Variants in AP1M1 observed in about 807,000 individuals in gnomAD.
The protein encoded by AP1M1 is AP-1 complex subunit mu-1.
A neutral mutation model predicts 57.1 loss-of-function variants in AP1M1; 18 were observed. The observed-to-expected ratio is 0.32, with a 90% CI of 0.22 to 0.47. The LOEUF (loss-of-function observed/expected upper bound fraction) is 0.47, where lower values mean the gene tolerates loss of function less well. AP1M1 is among the 20% of genes least tolerant of loss of function. AP1M1 has a pLI of 1.00. For missense variants in AP1M1, 362 were observed against 593.5 expected, an observed-to-expected ratio of 0.61 and a Z score of 4.05; for synonymous variants, 241 against 237.9, an observed-to-expected ratio of 1.01 and a Z score of -0.12.
Position 16,229,019 on chromosome 19 carries a change from G to A in AP1M1, c.1047+91G>A, listed in dbSNP as rs1333260456. 4 of 1,429,080 alleles carry A rather than the reference G, an allele frequency of 2.8e-6. No individual in the cohort carries two copies. The African/African-American group carries it at 4.2e-5, about 15-fold the overall frequency. 88.5% of individuals were successfully genotyped at this position (1,429,080 alleles called of 1,614,324 possible). ...TCAGGACCCCCTGCACCTCAAGATG[G>A]GGTGACAGTGGCCACTGTGTCTTCC... On this transcript the variant is annotated intron_variant, in intron 9 of 11. Transcript: ENST00000291439.
intron 5 of AP1M1, among the ~76,000 whole-genome samples, chr19:16,211,668 T>G (rs1424843759): frequency 6.6e-6 from 1 of 152,024 alleles, no homozygotes; most frequent in Non-Finnish European, 1.5e-5. Context: ...GAGGATCACT[T>G]GAGCCCCAGA....
Position 16,243,755 on chromosome 19 carries a change from A to G in AP1M1, c.*9320A>G, listed in dbSNP as rs1042512747. ...TCAGGAGTTCGAGACCAGCCTGGCC[A>G]ACATGGCGAAAATCCATCTCTACTA... On this transcript the variant is annotated 3_prime_UTR_variant, in exon 12 of 12. Transcript: ENST00000291439. The G allele has an allele frequency of 6.6e-6, 1 of 152,080 alleles. No individual in the cohort carries two copies. Among genetic ancestry groups the G allele is most frequent in the African/African-American group, 2.4e-5 (1 of 41,432 alleles). The allele number at this position is 152,080 out of a possible 1,614,324, so 9.4% of individuals were successfully genotyped here. A position where few individuals can be genotyped will look rare whatever the true frequency, so the allele number is the denominator to read the frequency against.
intron 9 of AP1M1, among the ~76,000 whole-genome samples, chr19:16,231,781 T>A (rs4808475): frequency 0.66 from 100,117 of 152,134 alleles, 35,199 homozygotes; most frequent in Non-Finnish European, 0.8. Context: ...CTTCCATTTG[T>A]TTTGGGTGTA....
chr19:16,204,605 C>T (rs1163139582), intron 2 of AP1M1, among the ~76,000 whole-genome samples: 1 of 152,172 alleles, frequency 6.6e-6, no homozygotes, highest in African/African-American at 2.4e-5. Context: ...ACAGTGTGGC[C>T]AACGGGCCAG....
rs915719325 is a variant in AP1M1 at position 16,228,322 on chromosome 19, G to A, written c.888+114G>A. 2.2e-5 allele frequency: 24 copies of A among 1,085,302 alleles called. No individual in the cohort carries two copies. Among genetic ancestry groups the A allele is most frequent in the Non-Finnish European group, 3.1e-5 (23 of 734,634 alleles). 67.2% of individuals were successfully genotyped at this position (1,085,302 alleles called of 1,614,324 possible). On this transcript the variant is annotated intron_variant, in intron 8 of 11. Transcript: ENST00000291439. The surrounding 1 kb of genome is among the most constrained non-coding windows in gnomAD (Gnocchi z 5.0). The stretch of plus-strand genomic sequence containing the variant: ...CTGCCATCCGTGCACCCTCACTGTG[G>A]CCTCAGATGCAGGAGTGACCTGACA...
At chr19:16,201,579 GTAGAGACAGGGTTTCACCA>G (rs1473055959) in intron 1 of AP1M1, among the ~76,000 whole-genome samples, 1 of 152,006 alleles carries the variant, frequency 6.6e-6, no homozygotes, top group East Asian at 1.9e-4. Flanking sequence ...TGTATTTTTA[GTAGAGACAGGGTTTCACCA>G]TATTGGTCAG....
rs1408707084 is a variant in AP1M1 at position 16,207,845 on chromosome 19, G to C, written c.268-174G>C. ...TGGCCCCACCCCACAGCCAGCCACT[G>C]CTGTCCTGCCCCATAACCTGGGTCC... is the stretch of plus-strand genomic sequence containing the variant. On this transcript the variant is annotated intron_variant, in intron 3 of 11. Coordinates refer to ENST00000291439, the MANE Select transcript of AP1M1 (RefSeq NM_032493.4). This position sits in a 1 kb window ranked among gnomAD's most constrained non-coding sequence, Gnocchi z 4.2. Among the ~76,000 whole-genome samples the C allele has an allele frequency of 6.6e-6, 1 of 152,198 alleles. No homozygotes were observed. Among genetic ancestry groups the C allele is most frequent in the East Asian group, 1.9e-4 (1 of 5,196 alleles).
At chr19:16,201,388 CTTTTTTTTTTTT>C (rs57467734) in intron 1 of AP1M1, among the ~76,000 whole-genome samples, 3 of 62,394 alleles carry the variant, frequency 4.8e-5, no homozygotes, top group African/African-American at 6.8e-5. Flanking sequence ...GGGAGGATTT[CTTTTTTTTTTTT>C]TTTTTTTTTT....
intron 5 of AP1M1, among the ~76,000 whole-genome samples, chr19:16,213,542 T>C (rs1007727388): frequency 7.2e-5 from 11 of 152,240 alleles, no homozygotes; most frequent in South Asian, 4.1e-4. Flanking sequence ...TTGCCCAGGC[T>C]GGAGTGCAGT....
chr19:16,236,575 G>A lies in AP1M1; in HGVS notation c.*2140G>A, dbSNP rs1349562625. 6.6e-6 allele frequency: 1 copy of A among 152,148 alleles called. No homozygotes were observed. The highest frequency in any genetic ancestry group is 1.9e-4 in the East Asian group (1 of 5,184). The allele number at this position is 152,148 out of a possible 1,614,324, so 9.4% of individuals were successfully genotyped here. On this transcript the variant is annotated 3_prime_UTR_variant, in exon 12 of 12. Coordinates refer to ENST00000291439, the MANE Select transcript of AP1M1 (RefSeq NM_032493.4). Reference sequence around the variant, plus strand: ...TCCTGCGTGAAGCTGGGATCCTCGAGGGTCATGATACTTAACAGTAAAAAG... The same window carrying A: ...TCCTGCGTGAAGCTGGGATCCTCGAAGGTCATGATACTTAACAGTAAAAAG...
In AP1M1 at chr19:16,227,453, C is replaced by T. The variant is rs2091576123; in HGVS notation, c.674-95C>T. On this transcript the variant is annotated intron_variant, in intron 6 of 11. Transcript: ENST00000291439. This position sits in a 1 kb window ranked among gnomAD's most constrained non-coding sequence, Gnocchi z 6.2. Reference sequence around the variant, plus strand: ...TGCTCTCAGTGCGTGGACTGGGGGCCCTGCTCTGCCGGGGTGGGTTGCAGG... The same window carrying T: ...TGCTCTCAGTGCGTGGACTGGGGGCTCTGCTCTGCCGGGGTGGGTTGCAGG... The T allele has an allele frequency of 6.9e-7, 1 of 1,447,104 alleles. No individual in the cohort carries two copies. The highest frequency in any genetic ancestry group is 9.5e-7 in the Non-Finnish European group (1 of 1,048,676). 89.6% of individuals were successfully genotyped at this position (1,447,104 alleles called of 1,614,324 possible).
chr19:16,232,363 G>C (rs938366872), intron 9 of AP1M1, among the ~76,000 whole-genome samples: 3 of 152,230 alleles, frequency 2.0e-5, no homozygotes, highest in Non-Finnish European at 4.4e-5. Flanking sequence ...TCAACGTGAC[G>C]ACACAGGCTG....
At chr19:16,233,423 C>T (rs556189185) in intron 9 of AP1M1, 70 bp from the exon 10 acceptor site, 2 of 1,472,166 alleles carry the variant, frequency 1.4e-6, no homozygotes. Flanking sequence ...CCCATCGCCA[C>T]TAGGGCCAGA....
At position 16,203,434 on chromosome 19, in the gene AP1M1, C is replaced by G. The variant is rs767595409; in HGVS notation, c.43-25C>G. The G allele has an allele frequency of 6.2e-7, 1 of 1,614,120 alleles. No homozygotes were observed. The highest frequency in any genetic ancestry group is 8.5e-7 in the Non-Finnish European group (1 of 1,179,972). Reference sequence around the variant, plus strand: ...ATTGTAGAACTGAAAATGCAAGCATCTTTTCTCTTCCTTCCCCACCCCAGG... The same window carrying G: ...ATTGTAGAACTGAAAATGCAAGCATGTTTTCTCTTCCTTCCCCACCCCAGG... On this transcript the variant is annotated intron_variant, in intron 1 of 11. Coordinates refer to ENST00000291439, the MANE Select transcript of AP1M1 (RefSeq NM_032493.4). The surrounding 1 kb of genome is among the most constrained non-coding windows in gnomAD (Gnocchi z 4.6).
intron 5 of AP1M1, among the ~76,000 whole-genome samples, chr19:16,213,322 A>G (rs1476034974): frequency 6.6e-6 from 1 of 152,098 alleles, no homozygotes; most frequent in African/African-American, 2.4e-5. Context: ...TGAATTGAAT[A>G]CCTTACCATT....
At chr19:16,209,364 T>G in intron 5 of AP1M1, 187 bp downstream of exon 5, 3 of 604,230 alleles carry the variant, frequency 5.0e-6, no homozygotes, top group Non-Finnish European at 5.4e-6. Context: ...GGAATCTCAT[T>G]CTGTCGCCCA....
intron 5 of AP1M1, among the ~76,000 whole-genome samples, chr19:16,226,050 C>T (rs2091569746): frequency 6.6e-6 from 1 of 152,078 alleles, no homozygotes; most frequent in South Asian, 2.1e-4. Flanking sequence ...TCAGGGGGCT[C>T]CTGGGAGGGA....
intron 5 of AP1M1, among the ~76,000 whole-genome samples, chr19:16,211,512 A>G (rs2091493546): frequency 6.6e-6 from 1 of 152,202 alleles, no homozygotes; most frequent in African/African-American, 2.4e-5. Flanking sequence ...GATTTGTCAT[A>G]GATGGCTCTT....
chr19:16,202,247 G>T (rs555671123), intron 1 of AP1M1, among the ~76,000 whole-genome samples: 3 of 152,194 alleles, frequency 2.0e-5, no homozygotes, highest in Admixed American at 1.3e-4. Context: ...GGTCAGCGCC[G>T]CAATGGCCTT....
Sources: allele counts gnomAD v4.1 joint callset (sites outside exome capture counted in the v4.1 genomes callset), GRCh38; gene constraint gnomAD v4.1.1; non-coding constraint Gnocchi (gnomAD v3.1); transcripts MANE v1.5; gene names NCBI Gene and HGNC (gene_info 2026-07-23, HGNC 2026-07-21).